Variants in PCDH15 observed in about 807,000 individuals in gnomAD.
PCDH15 encodes the protein protocadherin related 15, also known as protocadherin-15.
Under a neutral mutation model 178.5 loss-of-function variants are expected in PCDH15, and 129 were observed. The ratio of observed to expected loss-of-function variants is 0.72; its 90% confidence interval spans 0.63 to 0.84. The LOEUF is 0.84. Ranked by LOEUF, PCDH15 falls within the 40% of genes least tolerant of loss-of-function variation. The pLI is 0.00. For missense variants in PCDH15, 2,230 were observed against 2,099.9 expected (o/e 1.06, Z -1.21); for synonymous variants, 800 against 732.0 (o/e 1.09, Z -1.50).
At chr10:54,787,973 C>T (rs1951047709) in intron 1 of PCDH15, among the ~76,000 whole-genome samples, 1 of 151,686 alleles carries the variant, frequency 6.6e-6, no homozygotes, top group Non-Finnish European at 1.5e-5. Context: ...CTTAGCAACG[C>T]AATGACACCA....
At chr10:53,985,595 C>T (rs1337341585) in intron 21 of PCDH15, among the ~76,000 whole-genome samples, 1 of 152,066 alleles carries the variant, frequency 6.6e-6, no homozygotes, top group Non-Finnish European at 1.5e-5. Flanking sequence ...AGGGAAACTT[C>T]AAAACAGAAT....
intron 11 of PCDH15, chr10:54,189,342 A>G (rs1174690744): frequency 6.4e-7 from 1 of 1,568,788 alleles, no homozygotes; most frequent in East Asian, 2.3e-5. Context: ...GAACAATCAC[A>G]AGCTTAACAC....
intron 3 of PCDH15, among the ~76,000 whole-genome samples, chr10:54,394,310 A>C (rs1950924908): frequency 6.7e-6 from 1 of 148,814 alleles, no homozygotes; most frequent in African/African-American, 2.6e-5. Flanking sequence ...CCCGATATTC[A>C]TGTAGGTTCT....
chr10:54,639,709 T>C (rs1483970547), intron 2 of PCDH15, among the ~76,000 whole-genome samples: 1 of 152,124 alleles, frequency 6.6e-6, no homozygotes, highest in African/African-American at 2.4e-5. Context: ...TAACATATAC[T>C]GTAAAATCCG....
At chr10:54,553,848 A>T (rs2086876291) in intron 2 of PCDH15, among the ~76,000 whole-genome samples, 1 of 152,296 alleles carries the variant, frequency 6.6e-6, no homozygotes, top group African/African-American at 2.4e-5. Context: ...TGAAAACACT[A>T]TGCAAAAGCA....
chr10:55,330,212 T>C (rs2132309490), intron 2 of PCDH15, among the ~76,000 whole-genome samples: 1 of 151,970 alleles, frequency 6.6e-6, no homozygotes, highest in South Asian at 2.1e-4. Context: ...GAGGCTTTTA[T>C]ACATGATGTT....
intron 3 of PCDH15, among the ~76,000 whole-genome samples, chr10:54,383,327 T>C (rs549969022): frequency 6.6e-6 from 1 of 151,904 alleles, no homozygotes; most frequent in Non-Finnish European, 1.5e-5. Flanking sequence ...TAACTTTTCA[T>C]GAAATAAAAG....
chr10:54,048,049 T>C (rs1207008540), intron 18 of PCDH15, among the ~76,000 whole-genome samples: 2 of 152,270 alleles, frequency 1.3e-5, no homozygotes, highest in East Asian at 3.9e-4. Context: ...TTCCCTTTTT[T>C]CCACACCTTT....
chr10:55,403,661 A>T (rs1588992645), intron 2 of PCDH15, among the ~76,000 whole-genome samples: 1 of 151,792 alleles, frequency 6.6e-6, no homozygotes. Flanking sequence ...ACCTTTGTTT[A>T]GGTTCTCTAT....
chr10:55,280,269 CTT>C (rs1007536850), intron 1 of PCDH15, among the ~76,000 whole-genome samples: 165 of 65,960 alleles, frequency 2.5e-3, no homozygotes, highest in African/African-American at 0.011. Flanking sequence ...TATTTTGATT[CTT>C]TTTTTTTTTT....
chr10:54,247,934 G>A (rs933688037), intron 8 of PCDH15, among the ~76,000 whole-genome samples: 7 of 128,136 alleles, frequency 5.5e-5, no homozygotes, highest in Non-Finnish European at 1.1e-4. Flanking sequence ...ATGCATGAAA[G>A]AATATATATA....
intron 2 of PCDH15, among the ~76,000 whole-genome samples, chr10:54,925,782 T>C (rs1837607232): frequency 6.6e-6 from 1 of 152,162 alleles, no homozygotes; most frequent in Non-Finnish European, 1.5e-5. Context: ...GTGATTTTTG[T>C]ATGTTTATTT....
At chr10:53,994,735 A>G (rs2091741240) in intron 21 of PCDH15, 1 of 152,158 alleles carries the variant, frequency 6.6e-6, no homozygotes, top group Non-Finnish European at 1.5e-5. Flanking sequence ...TAACATTAAT[A>G]CATTTTGATT....
intron 2 of PCDH15, among the ~76,000 whole-genome samples, chr10:55,359,660 C>A (rs887269362): frequency 5.4e-5 from 8 of 148,282 alleles, no homozygotes; most frequent in African/African-American, 1.7e-4. Context: ...TTCACAATCA[C>A]CAAGATATAT....
chr10:55,349,043 T>A (rs1044210745), intron 2 of PCDH15, among the ~76,000 whole-genome samples: 1 of 152,108 alleles, frequency 6.6e-6, no homozygotes, highest in South Asian at 2.1e-4. Context: ...ACAGATTGCA[T>A]GGACTTGATC....
chr10:54,580,882 C>G (rs1322240026), intron 2 of PCDH15, among the ~76,000 whole-genome samples: 1 of 151,992 alleles, frequency 6.6e-6, no homozygotes, highest in African/African-American at 2.4e-5. Flanking sequence ...GCAGAGAAAG[C>G]TTTTGATAAA....
chr10:55,287,272 A>G (rs954706482), intron 1 of PCDH15, among the ~76,000 whole-genome samples: 2 of 151,964 alleles, frequency 1.3e-5, no homozygotes, highest in Non-Finnish European at 2.9e-5. Flanking sequence ...TTATGTGCAA[A>G]TTTTACAACG....
At chr10:55,016,560 C>T (rs1249700654) in intron 2 of PCDH15, among the ~76,000 whole-genome samples, 1 of 152,120 alleles carries the variant, frequency 6.6e-6, no homozygotes, top group Non-Finnish European at 1.5e-5. Context: ...CCATCATAAA[C>T]ATTTTTGCAA....
intron 27 of PCDH15, among the ~76,000 whole-genome samples, chr10:53,861,506 C>G (rs1033126159): frequency 6.6e-6 from 1 of 151,948 alleles, no homozygotes; most frequent in Admixed American, 6.6e-5. Flanking sequence ...TTCCTCTATA[C>G]TCTCATAAAT....
Sources: gnomAD v4.1 joint callset for allele counts (sites outside exome capture counted in the v4.1 genomes callset) on GRCh38, gnomAD v4.1.1 for gene constraint, MANE v1.5 for transcripts, NCBI Gene and HGNC (gene_info 2026-07-23, HGNC 2026-07-21) for gene names.